TM9SF4: variants seen among roughly 807,000 people sequenced by gnomAD.
TM9SF4 encodes the protein dinucleotide oxidase disulfide thiol exchanger 3 superfamily member 4.
TM9SF4 carries 26 observed loss-of-function variants against 90.4 expected under a neutral mutation model. The observed-to-expected ratio is 0.29, with a 90% CI of 0.21 to 0.40. TM9SF4 has a LOEUF of 0.40. Ranked by LOEUF, TM9SF4 falls within the 10% of genes least tolerant of loss-of-function variation. TM9SF4 has a pLI of 1.00. For synonymous variants in TM9SF4, 293 were observed against 315.4 expected (o/e 0.93, Z 0.75); for missense variants, 549 against 834.8 (o/e 0.66, Z 4.22).
chr20:32,161,201 C>T (rs1275230560), intron 16 of TM9SF4, 75 bp from the exon 17 acceptor site: 2 of 1,315,550 alleles, frequency 1.5e-6, no homozygotes, highest in Non-Finnish European at 2.2e-6. Flanking sequence ...TCTTCAGCCC[C>T]TCAAGCAACT....
intron 12 of TM9SF4, among the ~76,000 whole-genome samples, chr20:32,151,976 C>T (rs1201160534): frequency 6.6e-6 from 1 of 151,988 alleles, no homozygotes; most frequent in Non-Finnish European, 1.5e-5. Context: ...ATTCTCCTGC[C>T]TCCACCTCCC....
chr20:32,124,159 G>A (rs2046384913), intron 1 of TM9SF4, among the ~76,000 whole-genome samples: 2 of 151,988 alleles, frequency 1.3e-5, no homozygotes, highest in Admixed American at 6.6e-5. Flanking sequence ...TGCCTGGCCT[G>A]GGTAGGTCTA....
In TM9SF4 at chr20:32,145,086, C is replaced by G. The variant is rs1396976156; in HGVS notation, c.653-5C>G. On this transcript the variant is annotated splice_region_variant and splice_polypyrimidine_tract_variant and intron_variant, in intron 6 of 17. Coordinates refer to ENST00000398022, the MANE Select transcript of TM9SF4 (RefSeq NM_014742.4). ...AGGAACAGACTGAGTCTGTGTCTCT[C>G]TCAGACCTCAAAGCAGATGAGAAGA... is the stretch of plus-strand genomic sequence containing the variant. 1.2e-6 allele frequency: 2 copies of G among 1,613,952 alleles called. No homozygotes were observed. The highest frequency in any genetic ancestry group is 1.7e-6 in the Non-Finnish European group (2 of 1,179,800).
intron 2 of TM9SF4, among the ~76,000 whole-genome samples, chr20:32,134,091 G>A (rs769271121): frequency 2.0e-5 from 3 of 151,510 alleles, no homozygotes; most frequent in Non-Finnish European, 2.9e-5. Context: ...TGGGATTATC[G>A]GGCATGAGCC....
chr20:32,141,689 T>G (rs771271292), intron 4 of TM9SF4, 24 bp downstream of exon 4: 2 of 1,613,470 alleles, frequency 1.2e-6, no homozygotes, highest in East Asian at 4.5e-5. Flanking sequence ...TGCTCCTTGC[T>G]GCCTCAGGCT....
At chr20:32,134,676 CTT>C (rs1179671625) in intron 2 of TM9SF4, among the ~76,000 whole-genome samples, 5 of 145,060 alleles carry the variant, frequency 3.4e-5, no homozygotes, top group African/African-American at 5.0e-5. Flanking sequence ...TTTTTCTTTT[CTT>C]TTTTTTTTTT....
chr20:32,117,592 G>C (rs2046245387), intron 1 of TM9SF4, among the ~76,000 whole-genome samples: 1 of 152,134 alleles, frequency 6.6e-6, no homozygotes, highest in Non-Finnish European at 1.5e-5. Context: ...CCCTTCATTA[G>C]ACAGCTGTTT....
intron 17 of TM9SF4, among the ~76,000 whole-genome samples, chr20:32,163,263 AAAAAAAT>A (rs1349115181): frequency 1.5e-4 from 12 of 81,484 alleles, no homozygotes; most frequent in African/African-American, 3.9e-4. Flanking sequence ...AAAAAAAAAA[AAAAAAAT>A]ATATATATAT....
At chr20:32,140,559 C>T (rs1213412564) in intron 3 of TM9SF4, among the ~76,000 whole-genome samples, 4 of 152,146 alleles carry the variant, frequency 2.6e-5, no homozygotes, top group East Asian at 1.9e-4. Context: ...GATAAAAGAG[C>T]GTTTGATGCC....
Position 32,153,035 on chromosome 20 carries a change from C to T in TM9SF4, c.1246-2068C>T, listed in dbSNP as rs570710365. On this transcript the variant is annotated intron_variant, in intron 12 of 17. Coordinates refer to ENST00000398022, the MANE Select transcript of TM9SF4 (RefSeq NM_014742.4). ...GGAAGGGAGGAAGTGACCTTTGAGCCGGGCCTTGAGGAGGATTTCAGATGA... is the reference window on the plus strand; with the variant it reads ...GGAAGGGAGGAAGTGACCTTTGAGCTGGGCCTTGAGGAGGATTTCAGATGA... Among the ~76,000 whole-genome samples, 7 of 152,258 alleles carry T rather than the reference C, an allele frequency of 4.6e-5. 1 individual carries two copies. The highest frequency in any genetic ancestry group is 1.2e-4 in the African/African-American group (5 of 41,540).
intron 14 of TM9SF4, 41 bp from the exon 15 acceptor site, chr20:32,158,410 G>A: frequency 1.2e-6 from 2 of 1,608,282 alleles, no homozygotes; most frequent in Non-Finnish European, 1.7e-6. Context: ...GCTTCCTGGT[G>A]GCCTGGTCTC....
chr20:32,109,819 T>C, intron 1 of TM9SF4, 64 bp downstream of exon 1: 2 of 1,550,616 alleles, frequency 1.3e-6, no homozygotes, highest in South Asian at 2.4e-5. Flanking sequence ...CCCAGGATCT[T>C]CCAGCACCCC....
chr20:32,120,080 A>G (rs1401200438), intron 1 of TM9SF4, among the ~76,000 whole-genome samples: 1 of 152,218 alleles, frequency 6.6e-6, no homozygotes, highest in Admixed American at 6.5e-5. Context: ...ATTATGTAGT[A>G]TAAGTCCTCC....
Position 32,165,590 on chromosome 20 carries a change from G to T in TM9SF4, c.*146G>T. ...TGTTCCTGGATCCTGGGGCTGCGTG[G>T]GGGGCGGGAGGGCCTGTAGATAATC... On this transcript the variant is annotated 3_prime_UTR_variant, in exon 18 of 18. Coordinates refer to ENST00000398022, the MANE Select transcript of TM9SF4 (RefSeq NM_014742.4). 1 of 896,440 alleles carries T rather than the reference G, an allele frequency of 1.1e-6. No homozygotes were observed. The allele number at this position is 896,440 out of a possible 1,614,324, so 55.5% of individuals were successfully genotyped here. A position where few individuals can be genotyped will look rare whatever the true frequency, so the allele number is the denominator to read the frequency against.
chr20:32,158,107 CCAAGAT>C (rs1223930557), intron 14 of TM9SF4, 138 bp downstream of exon 14: 6 of 1,234,250 alleles, frequency 4.9e-6, no homozygotes, highest in African/African-American at 1.5e-5. Flanking sequence ...TAACTTCACT[CCAAGAT>C]CAAGGTGACC....
At chr20:32,159,940 G>A in intron 15 of TM9SF4, 52 bp from the exon 16 acceptor site, 1 of 1,611,926 alleles carries the variant, frequency 6.2e-7, no homozygotes, top group Non-Finnish European at 8.5e-7. Context: ...GTGTGCCAGG[G>A]GAAGGGGAGC....
intron 1 of TM9SF4, among the ~76,000 whole-genome samples, chr20:32,117,559 G>C (rs1178081546): frequency 6.6e-6 from 1 of 152,274 alleles, no homozygotes; most frequent in Non-Finnish European, 1.5e-5. Flanking sequence ...GGAGTGGCTG[G>C]GGGTACTTTT....
intron 12 of TM9SF4, among the ~76,000 whole-genome samples, chr20:32,153,818 C>A (rs1322067583): frequency 1.3e-5 from 2 of 152,138 alleles, no homozygotes; most frequent in Admixed American, 1.3e-4. Context: ...TGCCTATACC[C>A]CACCCAAGAG....
chr20:32,148,273 G>A (rs1443993541), intron 9 of TM9SF4, among the ~76,000 whole-genome samples: 1 of 152,184 alleles, frequency 6.6e-6, no homozygotes, highest in Non-Finnish European at 1.5e-5. Flanking sequence ...TGAGAAGACC[G>A]TTTTGGACCA....
Sources: gnomAD v4.1 joint callset for allele counts (sites outside exome capture counted in the v4.1 genomes callset) on GRCh38, gnomAD v4.1.1 for gene constraint, MANE v1.5 for transcripts, NCBI Gene and HGNC (gene_info 2026-07-23, HGNC 2026-07-21) for gene names.